The following GREM2 variants were observed in gnomAD, a reference collection of about 807,000 sequenced individuals.
The protein encoded by GREM2 is gremlin 2, DAN family BMP antagonist.
GREM2 carries 11 observed loss-of-function variants against 14.2 expected under a neutral mutation model. That is an observed-to-expected ratio of 0.78 (90% CI 0.49 to 1.28). GREM2 has a LOEUF of 1.28. Ranked by LOEUF, GREM2 falls within the 50% of genes most tolerant of loss-of-function variation. The probability of loss-of-function intolerance (pLI) is 0.00; values close to 1 mark genes in which losing one functional copy is unlikely to be tolerated. For synonymous variants in GREM2, 98 were observed against 97.6 expected (o/e 1.00, Z -0.02); for missense variants, 210 against 218.5 (o/e 0.96, Z 0.24).
chr1:240,606,905 T>A (rs1358630794), intron 1 of GREM2, among the ~76,000 whole-genome samples: 2 of 152,034 alleles, frequency 1.3e-5, no homozygotes, highest in Non-Finnish European at 2.9e-5. Context: ...CTCAAACTCC[T>A]GACCTCAAGT....
At chr1:240,499,772 T>G (rs1677523494) in intron 1 of GREM2, among the ~76,000 whole-genome samples, 1 of 152,192 alleles carries the variant, frequency 6.6e-6, no homozygotes, top group Non-Finnish European at 1.5e-5. Flanking sequence ...CAACCTGAGA[T>G]CTGTTTTGTA....
chr1:240,516,569 C>A (rs1393243831), intron 1 of GREM2, among the ~76,000 whole-genome samples: 1 of 152,084 alleles, frequency 6.6e-6, no homozygotes, highest in South Asian at 2.1e-4. Flanking sequence ...GAAGAAAACT[C>A]CTTTCATAGG....
chr1:240,500,746 T>C lies in GREM2; in HGVS notation c.-1-7270A>G, dbSNP rs74700815. Among the ~76,000 whole-genome samples the C allele has an allele frequency of 4.4e-3, 670 of 152,360 alleles. 2 individuals carry two copies. The highest frequency in any genetic ancestry group is 0.015 in the African/African-American group (632 of 41,582). On this transcript the variant is annotated intron_variant, in intron 1 of 1. Coordinates refer to ENST00000318160, the MANE Select transcript of GREM2 (RefSeq NM_022469.4). ...GAATATTAAAGCACAGTTTATTCAT[T>C]CAGCTTATGGAGGAACAGTTTTTTT...
rs200373636 is a variant in GREM2, at chr1:240,547,499, CAAAA to C, written c.-1-54027_-1-54024del. On this transcript the variant is annotated intron_variant, in intron 1 of 1. Transcript: ENST00000318160. The stretch of plus-strand genomic sequence containing the variant: ...TGGGCGACAGAGTGAGACTCCATCT[CAAAA>C]AAAAAAAAAAAATATATATATATAT... Among the ~76,000 whole-genome samples, 723 of 87,536 alleles carry C rather than the reference CAAAA, an allele frequency of 8.3e-3. 3 individuals carry two copies. The highest frequency in any genetic ancestry group is 0.032 in the African/African-American group (666 of 20,874). The allele number at this position is 87,536 out of a possible 152,430, so 57.4% of individuals were successfully genotyped here. A position where few individuals can be genotyped will look rare whatever the true frequency, so the allele number is the denominator to read the frequency against.
At chr1:240,546,280 A>G (rs1436028430) in intron 1 of GREM2, among the ~76,000 whole-genome samples, 1 of 152,064 alleles carries the variant, frequency 6.6e-6, no homozygotes, top group Non-Finnish European at 1.5e-5. Context: ...CAGAGGTTGC[A>G]GTGAGCCAAG....
At chr1:240,515,465 A>G (rs1384043082) in intron 1 of GREM2, among the ~76,000 whole-genome samples, 1 of 151,624 alleles carries the variant, frequency 6.6e-6, no homozygotes, top group Admixed American at 6.6e-5. Context: ...GAATTAGATA[A>G]TATCTCAGAA....
intron 1 of GREM2, among the ~76,000 whole-genome samples, chr1:240,529,289 T>C (rs1296914452): frequency 1.3e-5 from 2 of 150,336 alleles, no homozygotes; most frequent in South Asian, 2.1e-4. Flanking sequence ...TTTTTTCTTA[T>C]AAAGTTTGTT....
chr1:240,595,781 G>A (rs1442774122), intron 1 of GREM2, among the ~76,000 whole-genome samples: 1 of 152,138 alleles, frequency 6.6e-6, no homozygotes, highest in South Asian at 2.1e-4. Flanking sequence ...TACCTGGCTT[G>A]TCTTGAGAAT....
At chr1:240,563,033 AGTGT>A (rs771707313) in intron 1 of GREM2, among the ~76,000 whole-genome samples, 43 of 138,416 alleles carry the variant, frequency 3.1e-4, no homozygotes, top group East Asian at 6.5e-4. Context: ...TGTGTATATG[AGTGT>A]GTATGTGTGT....
Position 240,493,343 on chromosome 1 carries a change from A to G in GREM2, c.133T>C (p.Trp45Arg). Residue 45 changes from tryptophan (W) to arginine (R), a missense_variant, in exon 2 of 2, where the codon TGG becomes CGG. By Grantham distance (101) the Trp-to-Arg change is moderately radical. Coordinates refer to ENST00000318160, the MANE Select transcript of GREM2 (RefSeq NM_022469.4). ...KDGSSNNSER[W>R]QHQIKEVLAS... ...AGCACCTCCTTGATCTGGTGCTGCCATCTCTCCGAGTTGTTGCTGCTGCCG... is the reference window on the plus strand; with the variant it reads ...AGCACCTCCTTGATCTGGTGCTGCCGTCTCTCCGAGTTGTTGCTGCTGCCG... The G allele has an allele frequency of 1.2e-6, 2 of 1,614,022 alleles. No individual in the cohort carries two copies. The highest frequency in any genetic ancestry group is 1.3e-5 in the African/African-American group (1 of 75,042).
At chr1:240,508,464 G>A (rs1196700112) in intron 1 of GREM2, among the ~76,000 whole-genome samples, 2 of 152,110 alleles carry the variant, frequency 1.3e-5, no homozygotes, top group African/African-American at 2.4e-5. Flanking sequence ...GTGCTGTTTC[G>A]TGTCCATTCT....
chr1:240,523,249 G>C (rs1678143154), intron 1 of GREM2, among the ~76,000 whole-genome samples: 1 of 152,144 alleles, frequency 6.6e-6, no homozygotes. Flanking sequence ...TGTGTCACCA[G>C]GCCTGGCTAG....
intron 1 of GREM2, among the ~76,000 whole-genome samples, chr1:240,560,170 T>C (rs1258383576): frequency 6.6e-6 from 1 of 152,182 alleles, no homozygotes; most frequent in Admixed American, 6.5e-5. Flanking sequence ...TAAAATTTAA[T>C]ATGGTTAAGA....
chr1:240,591,073 C>T (rs1183002064), intron 1 of GREM2, among the ~76,000 whole-genome samples: 1 of 152,216 alleles, frequency 6.6e-6, no homozygotes, highest in East Asian at 1.9e-4. Context: ...AGCCACCATG[C>T]CCAGCCAGAA....
At chr1:240,517,282 C>T (rs1311569967) in intron 1 of GREM2, among the ~76,000 whole-genome samples, 1 of 152,158 alleles carries the variant, frequency 6.6e-6, no homozygotes, top group African/African-American at 2.4e-5. Context: ...GTGTTCCTTT[C>T]CAACTGTATC....
chr1:240,591,133 A>C (rs983102323), intron 1 of GREM2, among the ~76,000 whole-genome samples: 1 of 152,268 alleles, frequency 6.6e-6, no homozygotes, highest in Middle Eastern at 3.4e-3. Context: ...TCCTCAAAGG[A>C]AATTTCCCTG....
In GREM2 at chr1:240,523,448, C is replaced by A. The variant is rs544893337; in HGVS notation, c.-1-29972G>T. Among the ~76,000 whole-genome samples the A allele has an allele frequency of 4.6e-5, 7 of 152,288 alleles. No homozygotes were observed. In the East Asian group the frequency reaches 1.4e-3, roughly 29 times the overall value. On this transcript the variant is annotated intron_variant, in intron 1 of 1. Transcript: ENST00000318160. The stretch of plus-strand genomic sequence containing the variant: ...TCTCCCTCCCTCTCCAGATGTGACA[C>A]CAAAAATGTTCCCCAGACATCCCCA...
intron 1 of GREM2, among the ~76,000 whole-genome samples, chr1:240,546,537 A>T (rs1432227027): frequency 6.6e-6 from 1 of 152,172 alleles, no homozygotes; most frequent in Non-Finnish European, 1.5e-5. Context: ...TGCCTCCGCC[A>T]TGTTCCTACA....
chr1:240,600,580 C>A (rs1268912059), intron 1 of GREM2, among the ~76,000 whole-genome samples: 2 of 151,970 alleles, frequency 1.3e-5, no homozygotes, highest in Non-Finnish European at 2.9e-5. Context: ...ACCTCCCAGG[C>A]TCAAGCAATT....
Sources: allele counts gnomAD v4.1 joint callset (sites outside exome capture counted in the v4.1 genomes callset), GRCh38; gene constraint gnomAD v4.1.1; transcripts MANE v1.5; gene names NCBI Gene and HGNC (gene_info 2026-07-23, HGNC 2026-07-21).